Variants in CELF5 observed in about 807,000 individuals in gnomAD.
CELF5 encodes the protein CUG-BP and ETR-3 like factor 5.
CELF5 carries 6 observed loss-of-function variants against 54.9 expected under a neutral mutation model. The ratio of observed to expected loss-of-function variants is 0.11; its 90% CI spans 0.06 to 0.22. The LOEUF (loss-of-function observed/expected upper bound fraction) is 0.22. Ranked by LOEUF, CELF5 falls within the 10% of genes least tolerant of loss-of-function variation. The pLI is 1.00. For missense variants in CELF5, 401 were observed against 678.6 expected (o/e 0.59, Z 4.54); for synonymous variants, 271 against 290.9 (o/e 0.93, Z 0.70).
intron 2 of CELF5, among the ~76,000 whole-genome samples, chr19:3,257,357 G>T (rs1197237768): frequency 6.6e-6 from 1 of 152,208 alleles, no homozygotes; most frequent in East Asian, 1.9e-4. Context: ...AGGAAGCAGA[G>T]ACAGGACCGC....
At chr19:3,257,147 G>T (rs1445441492) in intron 2 of CELF5, among the ~76,000 whole-genome samples, 10 of 152,148 alleles carry the variant, frequency 6.6e-5, no homozygotes, top group Admixed American at 2.6e-4. Flanking sequence ...GTCAGGGAAG[G>T]CCTCTCTGAG....
intron 2 of CELF5, among the ~76,000 whole-genome samples, chr19:3,255,375 G>A (rs537247344): frequency 4.2e-4 from 64 of 152,250 alleles, no homozygotes; most frequent in African/African-American, 1.5e-3. Context: ...GTAGAGTCGG[G>A]GTTTCACCAT....
chr19:3,236,514 C>CA (rs1450672850), intron 1 of CELF5, among the ~76,000 whole-genome samples: 1 of 152,038 alleles, frequency 6.6e-6, no homozygotes, highest in East Asian at 1.9e-4. Flanking sequence ...CCCTGCCATG[C>CA]AGGGGGTTCG....
rs1481660296 is a variant in CELF5, at chr19:3,250,869, A to G, written c.260-116A>G. The G allele has an allele frequency of 2.8e-5, 13 of 456,506 alleles. No individual in the cohort carries two copies. The East Asian group carries it at 3.3e-4, about 12-fold the overall frequency. The allele number at this position is 456,506 out of a possible 1,614,324, so 28.3% of individuals were successfully genotyped here. A position where few individuals can be genotyped will look rare whatever the true frequency, so the allele number is the denominator to read the frequency against. On this transcript the variant is annotated intron_variant, in intron 1 of 12. Transcript: ENST00000292672. Reference sequence around the variant, plus strand: ...TGGATGCACCAGGTTGTGTAGATCTATGCATCTGTGGATGGAAGCTTGGGT... The same window carrying G: ...TGGATGCACCAGGTTGTGTAGATCTGTGCATCTGTGGATGGAAGCTTGGGT...
intron 1 of CELF5, among the ~76,000 whole-genome samples, chr19:3,243,129 G>A (rs1829341396): frequency 6.6e-6 from 1 of 152,046 alleles, no homozygotes; most frequent in South Asian, 2.1e-4. Context: ...AAATGATTCA[G>A]TATAGAGTAT....
At chr19:3,290,507 G>A (rs956787404) in intron 11 of CELF5, 133 bp downstream of exon 11, 27 of 928,178 alleles carry the variant, frequency 2.9e-5, no homozygotes, top group Non-Finnish European at 4.0e-5. Flanking sequence ...GCCTGTGGCC[G>A]GGCACAGTGG....
intron 2 of CELF5, among the ~76,000 whole-genome samples, chr19:3,253,802 G>C (rs896509882): frequency 6.9e-6 from 1 of 145,976 alleles, no homozygotes. Context: ...GTTTTTGCTT[G>C]GCATCAGGTC....
intron 1 of CELF5, among the ~76,000 whole-genome samples, chr19:3,242,486 C>T (rs2079505017): frequency 6.6e-6 from 1 of 151,662 alleles, no homozygotes; most frequent in South Asian, 2.1e-4. Context: ...GCCTGGCCAA[C>T]ATGGTGAAAC....
chr19:3,277,895 T>A, intron 4 of CELF5, 136 bp from the exon 5 acceptor site: 4 of 663,194 alleles, frequency 6.0e-6, no homozygotes, highest in South Asian at 5.5e-5. Context: ...CTGGCTGTCT[T>A]TCTGTTATCA....
At position 3,224,932 on chromosome 19, in the gene CELF5, T is replaced by C; in HGVS notation, c.193T>C (p.Phe65Leu). Residue 65 changes from phenylalanine to leucine, a missense_variant, in exon 1 of 13, where the codon TTC (phenylalanine) becomes CTC (leucine). Around this residue, in one of 6 missense-constraint regions of CELF5, gnomAD observed 66 missense variants for 132.3 expected, o/e 0.50. Transcript: ENST00000292672. ...GGACGAGAAGGACCTCAAGCCGCTCTTCGAGCAGTTCGGCCGCATCTACGA... is the reference window on the plus strand; with the variant it reads ...GGACGAGAAGGACCTCAAGCCGCTCCTCGAGCAGTTCGGCCGCATCTACGA... The part of the protein sequence containing the change: ...HLDEKDLKPL[F>L]EQFGRIYELT... The C allele has an allele frequency of 6.2e-7, 1 of 1,610,308 alleles. No individual in the cohort carries two copies. Among genetic ancestry groups the C allele is most frequent in the Non-Finnish European group, 8.5e-7 (1 of 1,178,598 alleles).
chr19:3,291,362 G>A (rs992733099), intron 11 of CELF5, among the ~76,000 whole-genome samples: 11 of 151,860 alleles, frequency 7.2e-5, no homozygotes, highest in African/African-American at 2.4e-4. Flanking sequence ...TCAGAAGATC[G>A]AGACATCCTG....
chr19:3,295,985 A>G (rs1463335637), intron 12 of CELF5: 1 of 151,620 alleles, frequency 6.6e-6, no homozygotes, highest in African/African-American at 2.4e-5. Flanking sequence ...GTAGCGGAAG[A>G]CCCTACCCGG....
chr19:3,267,755 C>T (rs527354349), intron 2 of CELF5, among the ~76,000 whole-genome samples: 2 of 152,264 alleles, frequency 1.3e-5, no homozygotes, highest in South Asian at 4.1e-4. Flanking sequence ...CCTGCTCAGA[C>T]GTGGCAGCTG....
At chr19:3,270,187 G>C (rs1177303882) in intron 2 of CELF5, among the ~76,000 whole-genome samples, 1 of 152,118 alleles carries the variant, frequency 6.6e-6, no homozygotes, top group Non-Finnish European at 1.5e-5. Flanking sequence ...CTCCCGCTCC[G>C]CCAGGCTGGT....
chr19:3,273,535 A>G (rs886223764), intron 2 of CELF5, among the ~76,000 whole-genome samples: 1 of 152,152 alleles, frequency 6.6e-6, no homozygotes, highest in Admixed American at 6.5e-5. Context: ...AGGTGCCAGG[A>G]GTGGGAAAAT....
At chr19:3,265,070 C>G (rs902598749) in intron 2 of CELF5, among the ~76,000 whole-genome samples, 3 of 152,128 alleles carry the variant, frequency 2.0e-5, no homozygotes, top group Non-Finnish European at 4.4e-5. Context: ...GGCGCAGTGG[C>G]TCACACCTGT....
intron 2 of CELF5, among the ~76,000 whole-genome samples, chr19:3,265,430 A>G (rs2145197284): frequency 6.6e-6 from 1 of 152,328 alleles, no homozygotes; most frequent in East Asian, 1.9e-4. Context: ...TCTGCAGAGC[A>G]GGGCCACCCC....
Position 3,286,041 on chromosome 19 carries a change from C to T in CELF5, c.1186+16C>T. ...CAGCGAGAAGGTGAGGCGGCCGCAA[C>T]CTCCCCTGGGCGCCAGCCCCGCCCT... is the stretch of plus-strand genomic sequence containing the variant. On this transcript the variant is annotated intron_variant, in intron 10 of 12. Coordinates refer to ENST00000292672, the MANE Select transcript of CELF5 (RefSeq NM_021938.4). 6.4e-7 allele frequency: 1 copy of T among 1,555,248 alleles called. No individual in the cohort carries two copies. The highest frequency in any genetic ancestry group is 8.6e-7 in the Non-Finnish European group (1 of 1,160,794).
rs57687209 is a variant in CELF5, at chr19:3,251,654, T to TC, written c.342+587_342+588insC. 9.1e-3 allele frequency among the ~76,000 whole-genome samples: 876 copies of TC among 96,234 alleles called. 9 individuals are homozygous for TC. Among genetic ancestry groups the TC allele is most frequent in the African/African-American group, 0.034 (835 of 24,624 alleles). 63.1% of individuals were successfully genotyped at this position (96,234 alleles called of 152,430 possible). On this transcript the variant is annotated intron_variant, in intron 2 of 12. Coordinates refer to ENST00000292672, the MANE Select transcript of CELF5 (RefSeq NM_021938.4). ...ACAGTTCCTTAACACAAGGGCTTCT[T>TC]TTTTTTTTTTTTTTTTTTTTGTTGT...
Sources: allele counts gnomAD v4.1 joint callset (sites outside exome capture counted in the v4.1 genomes callset), GRCh38; gene constraint gnomAD v4.1.1; regional missense constraint gnomAD v4.1.1; transcripts MANE v1.5; gene names NCBI Gene and HGNC (gene_info 2026-07-23, HGNC 2026-07-21).